CDK14: variants seen among roughly 807,000 people sequenced by gnomAD.
The protein encoded by CDK14 is cyclin dependent kinase 14.
A neutral mutation model predicts 60.7 loss-of-function variants in CDK14; 34 were observed. That is an observed-to-expected ratio of 0.56 (90% CI 0.43 to 0.75). CDK14 has a LOEUF of 0.75. Among genes scored for constraint, CDK14 ranks in the 30% least tolerant of loss-of-function variants. The pLI, the probability that CDK14 is intolerant of heterozygous loss-of-function variation, is 0.00. For missense variants in CDK14, 482 were observed against 564.1 expected (o/e 0.85, Z 1.47); for synonymous variants, 197 against 203.7 (o/e 0.97, Z 0.28).
In CDK14 at chr7:91,192,895, TCTC is replaced by T. The variant is rs926119137; in HGVS notation, c.*29-14267_*29-14265del. Among the ~76,000 whole-genome samples, 4 of 152,294 alleles carry T rather than the reference TCTC, an allele frequency of 2.6e-5. 1 individual carries two copies. On this transcript the variant is annotated intron_variant, in intron 14 of 14. Coordinates refer to ENST00000380050, the MANE Select transcript of CDK14 (RefSeq NM_001287135.2). Reference sequence around the variant, plus strand: ...GGGACCCACACTGCCAACGTATGCTTCTCCTGTTGGCTGTCACATTCATCAGAT... The same window carrying T: ...GGGACCCACACTGCCAACGTATGCTTCTGTTGGCTGTCACATTCATCAGAT...
intron 7 of CDK14, among the ~76,000 whole-genome samples, chr7:90,911,091 T>A (rs1276027251): frequency 6.6e-6 from 1 of 152,198 alleles, no homozygotes; most frequent in Non-Finnish European, 1.5e-5. Context: ...TGAGGCTTTC[T>A]TTCTTTTTCT....
At chr7:90,998,860 G>A (rs1021357907) in intron 10 of CDK14, among the ~76,000 whole-genome samples, 1 of 152,096 alleles carries the variant, frequency 6.6e-6, no homozygotes, top group Non-Finnish European at 1.5e-5. Flanking sequence ...CTGCACTCCA[G>A]CCTGGGCGAC....
chr7:90,658,407 A>T (rs1261551872), intron 2 of CDK14, among the ~76,000 whole-genome samples: 1 of 152,168 alleles, frequency 6.6e-6, no homozygotes, highest in East Asian at 1.9e-4. Flanking sequence ...TCAGCCCTTT[A>T]TAAGGGCACT....
At chr7:90,664,674 C>T (rs962335748) in intron 2 of CDK14, among the ~76,000 whole-genome samples, 1 of 151,348 alleles carries the variant, frequency 6.6e-6, no homozygotes, top group Non-Finnish European at 1.5e-5. Flanking sequence ...TCATTCTCAG[C>T]AAACTATCGC....
chr7:90,790,101 C>CTG (rs1805765856), intron 4 of CDK14, among the ~76,000 whole-genome samples: 2 of 143,272 alleles, frequency 1.4e-5, no homozygotes, highest in Non-Finnish European at 1.5e-5. Flanking sequence ...GAATTTTTTC[C>CTG]TTTTTTTTTT....
chr7:90,907,015 A>G (rs1792730277), intron 7 of CDK14, among the ~76,000 whole-genome samples: 1 of 152,086 alleles, frequency 6.6e-6, no homozygotes, highest in African/African-American at 2.4e-5. Context: ...CTAATAACAA[A>G]TGGTTTATTT....
chr7:91,122,071 G>A (rs1446771669), intron 14 of CDK14, among the ~76,000 whole-genome samples: 8 of 152,286 alleles, frequency 5.3e-5, no homozygotes, highest in Non-Finnish European at 1.0e-4. Flanking sequence ...TTCTGAAATA[G>A]TATGTGCTCA....
intron 14 of CDK14, among the ~76,000 whole-genome samples, chr7:91,180,615 G>C (rs1801971944): frequency 6.6e-6 from 1 of 152,158 alleles, no homozygotes; most frequent in African/African-American, 2.4e-5. Context: ...AAAAGCTGTT[G>C]TTGTTATTTT....
At chr7:91,001,576 CA>C (rs1295697564) in intron 10 of CDK14, among the ~76,000 whole-genome samples, 1 of 152,158 alleles carries the variant, frequency 6.6e-6, no homozygotes, top group African/African-American at 2.4e-5. Flanking sequence ...ATGGGAAAGG[CA>C]ATACTTTTTT....
At chr7:91,086,196 C>A (rs1161907021) in intron 12 of CDK14, among the ~76,000 whole-genome samples, 2 of 152,166 alleles carry the variant, frequency 1.3e-5, no homozygotes, top group Non-Finnish European at 2.9e-5. Flanking sequence ...TTGCTTCTCA[C>A]CCCTATCTTT....
intron 7 of CDK14, among the ~76,000 whole-genome samples, chr7:90,900,517 A>T (rs1792473938): frequency 6.6e-6 from 1 of 152,144 alleles, no homozygotes; most frequent in South Asian, 2.1e-4. Context: ...CATGAACATA[A>T]TTTTTTTAAC....
At chr7:91,072,412 C>T (rs1798176167) in intron 11 of CDK14, among the ~76,000 whole-genome samples, 1 of 152,116 alleles carries the variant, frequency 6.6e-6, no homozygotes, top group South Asian at 2.1e-4. Context: ...CAGCAAACCA[C>T]AGCAGCCATA....
chr7:90,855,314 T>G (rs1174901671), intron 5 of CDK14, among the ~76,000 whole-genome samples: 1 of 152,198 alleles, frequency 6.6e-6, no homozygotes, highest in Non-Finnish European at 1.5e-5. Context: ...TGAAGAATAT[T>G]ACTGCAGTTA....
At chr7:91,144,529 TA>T (rs1262876799) in intron 14 of CDK14, among the ~76,000 whole-genome samples, 1 of 152,234 alleles carries the variant, frequency 6.6e-6, no homozygotes, top group Non-Finnish European at 1.5e-5. Flanking sequence ...TGACCATTTT[TA>T]ATAGATTCAG....
chr7:90,910,864 G>A (rs73225052), intron 7 of CDK14, among the ~76,000 whole-genome samples: 9,510 of 152,074 alleles, frequency 0.063, 404 homozygotes, highest in South Asian at 0.092. Context: ...TGGTTGTACC[G>A]ATTATTTCAT....
intron 14 of CDK14, 30 bp downstream of exon 14, chr7:91,118,238 A>G: frequency 1.0e-6 from 1 of 999,616 alleles, no homozygotes; most frequent in Non-Finnish European, 1.6e-6. Flanking sequence ...CTGGAAAGTA[A>G]TATTTAATGG....
intron 5 of CDK14, among the ~76,000 whole-genome samples, chr7:90,797,729 TCTTACATG>T (rs1788489527): frequency 6.6e-6 from 1 of 152,018 alleles, no homozygotes; most frequent in African/African-American, 2.4e-5. Context: ...AGCAGGCACG[TCTTACATG>T]CTGAAGCAGG....
chr7:90,599,599 C>T (rs991423784), intron 1 of CDK14, among the ~76,000 whole-genome samples: 8 of 152,166 alleles, frequency 5.3e-5, no homozygotes, highest in African/African-American at 1.9e-4. Flanking sequence ...TGTCATTGTT[C>T]CTTGCAATTT....
At chr7:91,154,168 CTT>C (rs974054465) in intron 14 of CDK14, among the ~76,000 whole-genome samples, 1 of 149,060 alleles carries the variant, frequency 6.7e-6, no homozygotes, top group African/African-American at 2.5e-5. Context: ...TTTGTCTTTG[CTT>C]TTTTTTTTTA....
Sources: allele counts gnomAD v4.1 joint callset (sites outside exome capture counted in the v4.1 genomes callset), GRCh38; gene constraint gnomAD v4.1.1; transcripts MANE v1.5; gene names NCBI Gene and HGNC (gene_info 2026-07-23, HGNC 2026-07-21).